TRPC7: variants seen among roughly 807,000 people sequenced by gnomAD.
TRPC7 encodes transient receptor potential cation channel subfamily C member 7.
TRPC7 carries 42 observed loss-of-function variants against 90.1 expected under a neutral mutation model. The observed-to-expected ratio is 0.47, with a 90% CI of 0.36 to 0.60. The LOEUF (loss-of-function observed/expected upper bound fraction) is 0.60, where lower values mean the gene tolerates loss of function less well. Among genes scored for constraint, TRPC7 ranks in the 20% least tolerant of loss-of-function variants. The pLI, the probability that TRPC7 is intolerant of heterozygous loss-of-function variation, is 0.00. For missense variants in TRPC7, 955 were observed against 1,112.3 expected (o/e 0.86, Z 2.01); for synonymous variants, 451 against 436.3 (o/e 1.03, Z -0.42).
intron 7 of TRPC7, among the ~76,000 whole-genome samples, chr5:136,237,822 G>C (rs1756030622): frequency 6.6e-6 from 1 of 152,130 alleles, no homozygotes; most frequent in Non-Finnish European, 1.5e-5. Flanking sequence ...ACTGCAATAG[G>C]CTCCAATATC....
At chr5:136,279,914 A>G (rs1473188418) in intron 3 of TRPC7, among the ~76,000 whole-genome samples, 1 of 152,080 alleles carries the variant, frequency 6.6e-6, no homozygotes, top group East Asian at 1.9e-4. Context: ...CCCCTTTGGG[A>G]GGCCAAGGTG....
intron 10 of TRPC7, among the ~76,000 whole-genome samples, chr5:136,224,347 A>G (rs911125580): frequency 5.9e-5 from 9 of 152,234 alleles, no homozygotes; most frequent in Admixed American, 1.3e-4. Context: ...CATTTCCAAA[A>G]GCAATGCAAG....
At chr5:136,293,619 C>T (rs1197126940) in intron 3 of TRPC7, among the ~76,000 whole-genome samples, 2 of 152,058 alleles carry the variant, frequency 1.3e-5, no homozygotes, top group Non-Finnish European at 2.9e-5. Context: ...AACTACAAAC[C>T]ACTGCTCAAT....
intron 5 of TRPC7, among the ~76,000 whole-genome samples, chr5:136,256,661 T>C (rs1174627074): frequency 6.6e-6 from 1 of 152,216 alleles, no homozygotes; most frequent in Non-Finnish European, 1.5e-5. Context: ...TTCAACTCTA[T>C]TCTCTGACCT....
chr5:136,263,162 G>A (rs916550999), intron 5 of TRPC7, among the ~76,000 whole-genome samples: 1 of 152,244 alleles, frequency 6.6e-6, no homozygotes, highest in Admixed American at 6.5e-5. Context: ...GGAGATATTC[G>A]AGCTCTGATC....
chr5:136,340,267 A>T (rs1759803679), intron 2 of TRPC7, among the ~76,000 whole-genome samples: 1 of 152,160 alleles, frequency 6.6e-6, no homozygotes, highest in Non-Finnish European at 1.5e-5. Context: ...AAATAGTTGA[A>T]CTTGTAGAAG....
chr5:136,215,043 C>T (rs879888088), intron 11 of TRPC7, among the ~76,000 whole-genome samples: 8 of 152,106 alleles, frequency 5.3e-5, no homozygotes, highest in Non-Finnish European at 7.4e-5. Flanking sequence ...CCCCAGACCC[C>T]ACTCCAGAGA....
chr5:136,265,328 G>T (rs539380186), intron 5 of TRPC7, among the ~76,000 whole-genome samples: 14 of 152,058 alleles, frequency 9.2e-5, no homozygotes, highest in African/African-American at 3.4e-4. Flanking sequence ...TTTATCTTCT[G>T]TTTTTCTTGT....
chr5:136,361,867 C>T (rs1760579365), intron 1 of TRPC7, among the ~76,000 whole-genome samples: 1 of 152,110 alleles, frequency 6.6e-6, no homozygotes, highest in Non-Finnish European at 1.5e-5. Context: ...TTCTCCTAAA[C>T]CACAGTTCTC....
At chr5:136,253,012 G>A (rs992219603) in intron 5 of TRPC7, among the ~76,000 whole-genome samples, 4 of 152,200 alleles carry the variant, frequency 2.6e-5, no homozygotes, top group African/African-American at 9.6e-5. Context: ...CTGAGCACTT[G>A]AAATGTGTCT....
Position 136,226,164 on chromosome 5 carries a change from A to G in TRPC7, c.2132T>C (p.Leu711Pro). 1 of 1,564,724 alleles carries G rather than the reference A, an allele frequency of 6.4e-7. No individual in the cohort carries two copies. The highest frequency in any genetic ancestry group is 1.3e-5 in the African/African-American group (1 of 74,216). The change falls in exon 9 of 12, where the codon CTA (leucine) becomes CCA (proline). Residue 711 changes from leucine to proline, a missense_variant. Physicochemically the swap from Leu to Pro is moderately conservative, Grantham distance 98. Coordinates refer to ENST00000513104, the MANE Select transcript of TRPC7 (RefSeq NM_020389.3). ...ATAAAATGATTTAGGACTTGGCACT[A>G]GATTAAAAGGAGCAGGTAGAGTTCT... ...EGRTLPAPFN[L>P]VPSPKSFYYL...
intron 5 of TRPC7, among the ~76,000 whole-genome samples, chr5:136,260,636 A>G (rs1416661056): frequency 1.3e-4 from 20 of 152,258 alleles, no homozygotes; most frequent in Non-Finnish European, 4.4e-5. Context: ...ATAGGCCACT[A>G]TAATGACACT....
intron 2 of TRPC7, among the ~76,000 whole-genome samples, chr5:136,339,224 T>G (rs568121880): frequency 2.6e-5 from 4 of 152,286 alleles, no homozygotes; most frequent in African/African-American, 9.6e-5. Context: ...AAGCCAACTA[T>G]GGGAGGAATT....
At chr5:136,265,324 TTC>T (rs1464343313) in intron 5 of TRPC7, among the ~76,000 whole-genome samples, 15 of 152,246 alleles carry the variant, frequency 9.9e-5, no homozygotes, top group African/African-American at 2.4e-5. Flanking sequence ...CTTTTTTATC[TTC>T]TGTTTTTCTT....
intron 7 of TRPC7, among the ~76,000 whole-genome samples, chr5:136,241,964 G>A (rs1237260094): frequency 1.3e-5 from 2 of 152,150 alleles, no homozygotes; most frequent in Non-Finnish European, 2.9e-5. Context: ...GACCCCAAGA[G>A]TTCCACACAA....
intron 3 of TRPC7, among the ~76,000 whole-genome samples, chr5:136,281,837 C>T (rs1757560702): frequency 6.6e-6 from 1 of 152,208 alleles, no homozygotes; most frequent in Admixed American, 6.5e-5. Context: ...CAGCAAACTT[C>T]TGTTTACCAA....
chr5:136,313,047 C>T (rs1383876038), intron 3 of TRPC7, among the ~76,000 whole-genome samples: 5 of 142,688 alleles, frequency 3.5e-5, no homozygotes, highest in African/African-American at 1.3e-4. Flanking sequence ...AAACTCTTGG[C>T]ATCAAGCAAT....
At chr5:136,306,451 G>A (rs993550698) in intron 3 of TRPC7, among the ~76,000 whole-genome samples, 4 of 152,068 alleles carry the variant, frequency 2.6e-5, no homozygotes, top group African/African-American at 9.7e-5. Flanking sequence ...CCCGCTTGAA[G>A]CAGCCCTGAG....
chr5:136,340,285 C>T (rs12515960), intron 2 of TRPC7, among the ~76,000 whole-genome samples: 73,995 of 151,690 alleles, frequency 0.49, 18,623 homozygotes, highest in Middle Eastern at 0.6. Flanking sequence ...AAGTAGAGAG[C>T]AGATTGGTGG....
Sources: allele counts gnomAD v4.1 joint callset (sites outside exome capture counted in the v4.1 genomes callset), GRCh38; gene constraint gnomAD v4.1.1; transcripts MANE v1.5; gene names NCBI Gene and HGNC (gene_info 2026-07-23, HGNC 2026-07-21).